TG: variants seen among roughly 807,000 people sequenced by gnomAD.
TG encodes thyroglobulin.
TG carries 270 observed loss-of-function variants against 324.7 expected under a neutral mutation model. The observed-to-expected ratio is 0.83, with a 90% CI of 0.75 to 0.92. The LOEUF is 0.92. TG is among the 40% of genes least tolerant of loss of function. The pLI is 0.00. For synonymous variants in TG, 1,401 were observed against 1,327.0 expected (o/e 1.06, Z -1.21); for missense variants, 3,591 against 3,456.4 (o/e 1.04, Z -0.98).
chr8:133,026,410 G>T (rs987245630), intron 40 of TG, among the ~76,000 whole-genome samples: 1 of 152,204 alleles, frequency 6.6e-6, no homozygotes, highest in African/African-American at 2.4e-5. Flanking sequence ...TGGTTCCTAC[G>T]GATGTGAGCA....
At chr8:133,059,223 T>A (rs1347050932) in intron 41 of TG, 1 of 444,304 alleles carries the variant, frequency 2.3e-6, no homozygotes, top group Non-Finnish European at 4.6e-6. Flanking sequence ...AGGCCCCAAA[T>A]GCTACCATGT....
chr8:132,898,874 A>G lies in TG; in HGVS notation c.3294A>G (p.Pro1098=). 1 of 1,614,128 alleles carries G rather than the reference A, an allele frequency of 6.2e-7. No homozygotes were observed. Among genetic ancestry groups the G allele is most frequent in the Non-Finnish European group, 8.5e-7 (1 of 1,180,026 alleles). ...SWKQARSQEN[P]SPKDLFVPAC... ...AACAGGCTAGATCCCAAGAAAACCC[A>G]TCTCCAAAAGACCTGTTCGTCCCAG... The change falls in exon 14 of 48, where the codon CCA becomes CCG. Residue 1098 remains proline, a synonymous_variant. Transcript: ENST00000220616.
chr8:133,118,586 G>T (rs1850895453), intron 45 of TG, among the ~76,000 whole-genome samples: 1 of 152,108 alleles, frequency 6.6e-6, no homozygotes, highest in African/African-American at 2.4e-5. Context: ...CGGCTTCTCA[G>T]AGTGCTGGGA....
chr8:132,908,138 A>C, intron 17 of TG, 48 bp from the exon 18 acceptor site: 1 of 1,608,662 alleles, frequency 6.2e-7, no homozygotes, highest in South Asian at 1.1e-5. Context: ...CAAAGAAAAT[A>C]ACTCTACAGG....
intron 25 of TG, among the ~76,000 whole-genome samples, chr8:132,940,077 TAGG>T (rs1018353111): frequency 2.0e-5 from 3 of 152,142 alleles, no homozygotes; most frequent in African/African-American, 7.2e-5. Context: ...TCCAAGGAAT[TAGG>T]GACTTCCTTG....
chr8:132,960,360 T>C (rs1222634044), intron 27 of TG, among the ~76,000 whole-genome samples: 1 of 152,180 alleles, frequency 6.6e-6, no homozygotes, highest in Non-Finnish European at 1.5e-5. Flanking sequence ...GCTATTTCCC[T>C]CACCTTCCAT....
chr8:132,920,154 C>A (rs1031098417), intron 21 of TG, among the ~76,000 whole-genome samples: 10 of 152,176 alleles, frequency 6.6e-5, no homozygotes, highest in African/African-American at 2.4e-4. Flanking sequence ...CATGAATTTG[C>A]CAGGACTGTA....
At chr8:133,122,545 A>G (rs975464391) in intron 45 of TG, among the ~76,000 whole-genome samples, 12 of 152,142 alleles carry the variant, frequency 7.9e-5, no homozygotes, top group African/African-American at 2.9e-4. Context: ...AGTGCCTACA[A>G]TGGCCAAGTC....
chr8:133,065,758 G>A (rs756669932), intron 41 of TG, among the ~76,000 whole-genome samples: 13 of 149,100 alleles, frequency 8.7e-5, no homozygotes, highest in African/African-American at 2.8e-4. Flanking sequence ...GTGAAACTCC[G>A]TCTCAAAAAT....
Position 132,969,558 on chromosome 8 carries a change from T to C in TG, c.5964T>C (p.Ser1988=). ...ATAAAGTGCCCATGTCTGAAAAATC[T>C]ATTTCTAATGGGTAAGCTACTTGTG... is the stretch of plus-strand genomic sequence containing the variant. The part of the protein sequence containing the change: ...IRNKVPMSEK[S]ISNGFFECER... Residue 1988 remains serine, a synonymous_variant, in exon 32 of 48, where the codon TCT becomes TCC. Coordinates refer to ENST00000220616, the MANE Select transcript of TG (RefSeq NM_003235.5). 1.2e-6 allele frequency: 2 copies of C among 1,605,686 alleles called. No homozygotes were observed. Among genetic ancestry groups the C allele is most frequent in the South Asian group, 1.1e-5 (1 of 90,960 alleles).
Position 132,936,809 on chromosome 8 carries a change from G to C in TG, c.5041+945G>C, listed in dbSNP as rs183167155. ...CTCTGAGCCATGCGCTCTGGGCCAT[G>C]GCCAGGCTCTGACCTGTGACCTGTG... On this transcript the variant is annotated intron_variant, in intron 25 of 47. Coordinates refer to ENST00000220616, the MANE Select transcript of TG (RefSeq NM_003235.5). 1.3e-3 allele frequency among the ~76,000 whole-genome samples: 202 copies of C among 152,350 alleles called. 2 individuals carry two copies. The highest frequency in any genetic ancestry group is 3.2e-4 in the Non-Finnish European group (22 of 68,026).
At chr8:132,918,117 T>A (rs1285058461) in intron 20 of TG, among the ~76,000 whole-genome samples, 2 of 151,992 alleles carry the variant, frequency 1.3e-5, no homozygotes, top group Non-Finnish European at 2.9e-5. Flanking sequence ...CGTGCTCTTT[T>A]GGGTGGAAAA....
In TG at chr8:133,050,493, C is replaced by T. The variant is rs1019877288; in HGVS notation, c.7239+20470C>T. ...TTCCAGACCCTGGGGGCTGCCTTCC[C>T]GGTCTTCATTCCTACATAACATCAA... On this transcript the variant is annotated intron_variant, in intron 41 of 47. Coordinates refer to ENST00000220616, the MANE Select transcript of TG (RefSeq NM_003235.5). 1.5e-5 allele frequency: 4 copies of T among 267,396 alleles called. No individual in the cohort carries two copies. The South Asian group carries it at 2.8e-4, about 18-fold the overall frequency. 16.6% of individuals were successfully genotyped at this position (267,396 alleles called of 1,614,324 possible).
At chr8:132,889,184 G>A (rs891433605) in intron 10 of TG, among the ~76,000 whole-genome samples, 1 of 152,180 alleles carries the variant, frequency 6.6e-6, no homozygotes, top group Non-Finnish European at 1.5e-5. Flanking sequence ...GCTGACACGA[G>A]TTTCAGTTAA....
chr8:133,003,036 C>T (rs1320257188), intron 35 of TG: 39 of 1,054,458 alleles, frequency 3.7e-5, no homozygotes, highest in Non-Finnish European at 4.3e-5. Flanking sequence ...GCTTGGAGAA[C>T]ATACCAGGTA....
intron 35 of TG, among the ~76,000 whole-genome samples, chr8:133,001,353 T>C (rs1833477898): frequency 6.6e-6 from 1 of 152,014 alleles, no homozygotes; most frequent in Non-Finnish European, 1.5e-5. Flanking sequence ...AATGGAGAGG[T>C]CAGGATGTCT....
chr8:133,133,781 A>G, intron 47 of TG, 121 bp downstream of exon 47: 4 of 1,120,734 alleles, frequency 3.6e-6, no homozygotes, highest in Non-Finnish European at 5.3e-6. Context: ...TGCCAATGGC[A>G]CAGCCCCTTC....
At chr8:133,047,710 A>G in intron 41 of TG, 1 of 727,084 alleles carries the variant, frequency 1.4e-6, no homozygotes, top group Non-Finnish European at 2.5e-6. Context: ...GAGCTTAACT[A>G]CATTGGATCA....
At position 132,913,247 on chromosome 8, in the gene TG, C is replaced by T. The variant is rs770534867; in HGVS notation, c.4360C>T (p.Gln1454Ter). The T allele has an allele frequency of 1.2e-6, 2 of 1,614,160 alleles. No individual in the cohort carries two copies. Among genetic ancestry groups the T allele is most frequent in the Non-Finnish European group, 1.7e-6 (2 of 1,180,036 alleles). Residue 1454 changes from glutamine to a stop codon, truncating the protein, a stop_gained, in exon 20 of 48, where the codon CAG becomes TAG. Coordinates refer to ENST00000220616, the MANE Select transcript of TG (RefSeq NM_003235.5). LOFTEE classifies it high-confidence loss of function. ...CCAAGTCTTGACAAGTGAGGCCAGT[C>T]AGGACGGACTGGGATGCGGTAGGTC... Reference protein sequence around the residue: ...FYQVLTSEASQDGLGCVKCPE... With the variant: ...FYQVLTSEAS
Sources: gnomAD v4.1 joint callset for allele counts (sites outside exome capture counted in the v4.1 genomes callset) on GRCh38, gnomAD v4.1.1 for gene constraint, MANE v1.5 for transcripts, NCBI Gene and HGNC (gene_info 2026-07-23, HGNC 2026-07-21) for gene names.